ZMAT4: variants seen among roughly 807,000 people sequenced by gnomAD.
ZMAT4 encodes zinc finger matrin-type 4.
Under a neutral mutation model 28.7 loss-of-function variants are expected in ZMAT4, and 17 were observed. The observed-to-expected ratio is 0.59, with a 90% CI of 0.41 to 0.89. The LOEUF (loss-of-function observed/expected upper bound fraction) is 0.89. Among genes scored for constraint, ZMAT4 ranks in the 40% least tolerant of loss-of-function variants. ZMAT4 has a pLI of 0.00. For missense variants in ZMAT4, 240 were observed against 283.8 expected (o/e 0.85, Z 1.11); for synonymous variants, 117 against 109.2 (o/e 1.07, Z -0.44).
At position 40,538,343 on chromosome 8, in the gene ZMAT4, C is replaced by T. The variant is rs567438383; in HGVS notation, c.675-6105G>A. Reference sequence around the variant, plus strand: ...ACCTATAGCCTGGAAGCCTCCGAACCCCGCTTCTAGTTGTCCCACCTTTCT... The same window carrying T: ...ACCTATAGCCTGGAAGCCTCCGAACTCCGCTTCTAGTTGTCCCACCTTTCT... On this transcript the variant is annotated intron_variant, in intron 6 of 6. Coordinates refer to ENST00000297737, the MANE Select transcript of ZMAT4 (RefSeq NM_024645.3). 1.8e-4 allele frequency among the ~76,000 whole-genome samples: 27 copies of T among 152,238 alleles called. No individual in the cohort carries two copies. The Middle Eastern group carries it at 0.01, about 58-fold the overall frequency.
intron 2 of ZMAT4, among the ~76,000 whole-genome samples, chr8:40,770,326 T>C (rs1813335381): frequency 6.6e-6 from 1 of 152,124 alleles, no homozygotes; most frequent in Non-Finnish European, 1.5e-5. Flanking sequence ...ACATTCCCAA[T>C]TGGCCTGACT....
chr8:40,575,739 GAC>G (rs1319535393), intron 6 of ZMAT4, among the ~76,000 whole-genome samples: 1 of 151,378 alleles, frequency 6.6e-6, no homozygotes, highest in Non-Finnish European at 1.5e-5. Context: ...TCAATGTAGA[GAC>G]ATAAAAAACA....
At chr8:40,577,097 G>T (rs1245185226) in intron 6 of ZMAT4, among the ~76,000 whole-genome samples, 2 of 152,126 alleles carry the variant, frequency 1.3e-5, no homozygotes, top group East Asian at 3.9e-4. Flanking sequence ...GGGAGGCTGA[G>T]ACAGGAGAAT....
chr8:40,671,503 T>C (rs186327158), intron 5 of ZMAT4, among the ~76,000 whole-genome samples: 1 of 152,366 alleles, frequency 6.6e-6, no homozygotes, highest in East Asian at 1.9e-4. Flanking sequence ...ACTACTTTGC[T>C]TTATATGCTA....
chr8:40,682,133 T>C (rs1403776560), intron 4 of ZMAT4, among the ~76,000 whole-genome samples: 1 of 152,180 alleles, frequency 6.6e-6, no homozygotes, highest in Non-Finnish European at 1.5e-5. Context: ...TGATCTGCTT[T>C]GTACTCATGG....
chr8:40,844,344 A>T (rs1399378319), intron 1 of ZMAT4, among the ~76,000 whole-genome samples: 3 of 152,194 alleles, frequency 2.0e-5, no homozygotes, highest in Non-Finnish European at 2.9e-5. Context: ...GAGGATGGGC[A>T]TCACCCAATT....
chr8:40,578,445 A>T (rs1804340460), intron 6 of ZMAT4, among the ~76,000 whole-genome samples: 1 of 152,190 alleles, frequency 6.6e-6, no homozygotes, highest in South Asian at 2.1e-4. Flanking sequence ...TAAGCAGAGA[A>T]TTCTTAAATA....
chr8:40,894,156 G>A (rs1015951887), intron 1 of ZMAT4, among the ~76,000 whole-genome samples: 3 of 152,242 alleles, frequency 2.0e-5, no homozygotes, highest in Non-Finnish European at 2.9e-5. Flanking sequence ...GTGGCACAGT[G>A]AGGGCTTGCG....
intron 2 of ZMAT4, among the ~76,000 whole-genome samples, chr8:40,820,554 A>G (rs577196650): frequency 3.1e-4 from 42 of 134,200 alleles, no homozygotes; most frequent in African/African-American, 1.2e-3. Context: ...TTGTGTGTGT[A>G]TGTGTGTGAG....
chr8:40,680,701 TAC>T (rs71224844), intron 4 of ZMAT4, among the ~76,000 whole-genome samples: 198 of 86,628 alleles, frequency 2.3e-3, no homozygotes, highest in Admixed American at 4.5e-3. Flanking sequence ...ATGTCTAATG[TAC>T]ACACACACAC....
At chr8:40,786,253 T>A (rs1814075441) in intron 2 of ZMAT4, among the ~76,000 whole-genome samples, 1 of 152,166 alleles carries the variant, frequency 6.6e-6, no homozygotes, top group South Asian at 2.1e-4. Flanking sequence ...CTGCTGAGAG[T>A]GAATTTACAA....
At position 40,702,742 on chromosome 8, in the gene ZMAT4, C is replaced by A. The variant is rs1048662998; in HGVS notation, c.193-5341G>T. Among the ~76,000 whole-genome samples, 21 of 152,280 alleles carry A rather than the reference C, an allele frequency of 1.4e-4. No individual in the cohort carries two copies. The Middle Eastern group carries it at 0.01, about 74-fold the overall frequency. ...TGAAACTCCTTATGGAGAAAACACA[C>A]GAGTTAGCTAAGCTTCACTCAGGCA... On this transcript the variant is annotated intron_variant, in intron 3 of 6. Transcript: ENST00000297737.
intron 4 of ZMAT4, among the ~76,000 whole-genome samples, chr8:40,676,189 C>T (rs1166829038): frequency 6.6e-6 from 1 of 152,080 alleles, no homozygotes; most frequent in Non-Finnish European, 1.5e-5. Context: ...AAAAACAGGA[C>T]TAAAATGAAA....
At chr8:40,599,616 C>T (rs868682977) in intron 5 of ZMAT4, among the ~76,000 whole-genome samples, 1 of 152,226 alleles carries the variant, frequency 6.6e-6, no homozygotes, top group Non-Finnish European at 1.5e-5. Flanking sequence ...GAAATGTCAG[C>T]TTCCCTTCAA....
chr8:40,813,810 G>A (rs941738316), intron 2 of ZMAT4, among the ~76,000 whole-genome samples: 1 of 152,232 alleles, frequency 6.6e-6, no homozygotes, highest in African/African-American at 2.4e-5. Context: ...TCCCAAATCA[G>A]AACAAAGTTG....
At chr8:40,742,432 A>G (rs2150535940) in intron 3 of ZMAT4, among the ~76,000 whole-genome samples, 1 of 151,492 alleles carries the variant, frequency 6.6e-6, no homozygotes, top group South Asian at 2.1e-4. Flanking sequence ...AAAGTAAAGA[A>G]ATCTGAAAGG....
chr8:40,625,614 G>A lies in ZMAT4; in HGVS notation c.578-44353C>T, dbSNP rs180958234. On this transcript the variant is annotated intron_variant, in intron 5 of 6. Coordinates refer to ENST00000297737, the MANE Select transcript of ZMAT4 (RefSeq NM_024645.3). Reference sequence around the variant, plus strand: ...CAGCTTTGGGCAAAAGTAATTGTGCGGATGTGGTACCATTTACAGCAACAA... The same window carrying A: ...CAGCTTTGGGCAAAAGTAATTGTGCAGATGTGGTACCATTTACAGCAACAA... Among the ~76,000 whole-genome samples, 8 of 152,276 alleles carry A rather than the reference G, an allele frequency of 5.3e-5. No homozygotes were observed. In the South Asian group the frequency reaches 1.0e-3, roughly 20 times the overall value.
At chr8:40,754,816 C>G (rs942450604) in intron 3 of ZMAT4, among the ~76,000 whole-genome samples, 2 of 152,112 alleles carry the variant, frequency 1.3e-5, no homozygotes, top group African/African-American at 2.4e-5. Flanking sequence ...GGTTCGAGAC[C>G]AGCCTGGGCA....
intron 1 of ZMAT4, among the ~76,000 whole-genome samples, chr8:40,840,286 G>A: frequency 6.6e-6 from 1 of 152,172 alleles, no homozygotes; most frequent in African/African-American, 2.4e-5. Flanking sequence ...AAAAAGCCCA[G>A]TCAGTGCAAC....
Sources: gnomAD v4.1 joint callset for allele counts (sites outside exome capture counted in the v4.1 genomes callset) on GRCh38, gnomAD v4.1.1 for gene constraint, MANE v1.5 for transcripts, NCBI Gene and HGNC (gene_info 2026-07-23, HGNC 2026-07-21) for gene names.